SMCHD1: variants seen among roughly 807,000 people sequenced by gnomAD.
SMCHD1 encodes structural maintenance of chromosomes flexible hinge domain containing 1, also known as structural maintenance of chromosomes flexible hinge domain-containing protein 1.
SMCHD1 carries 78 observed loss-of-function variants against 254.7 expected under a neutral mutation model. The ratio of observed to expected loss-of-function variants is 0.31; its 90% CI spans 0.26 to 0.37. SMCHD1 has a LOEUF of 0.37. SMCHD1 is among the 10% of genes least tolerant of loss of function. The probability of loss-of-function intolerance (pLI) is 1.00; values close to 1 mark genes in which losing one functional copy is unlikely to be tolerated. For missense variants in SMCHD1, 1,840 were observed against 2,408.1 expected, an observed-to-expected ratio of 0.76 and a Z score of 4.94; for synonymous variants, 766 against 794.9, an observed-to-expected ratio of 0.96 and a Z score of 0.61.
chr18:2,705,982 ACAT>A (rs1368738453), intron 14 of SMCHD1, among the ~76,000 whole-genome samples, 175 bp downstream of exon 14: 23 of 152,184 alleles, frequency 1.5e-4, no homozygotes, highest in African/African-American at 4.8e-4. Flanking sequence ...ATACAATTTA[ACAT>A]CATATGCTCA....
At chr18:2,766,001 C>CTTTTTTTTTTTTTTTTTTCT (rs199648859) in intron 37 of SMCHD1, among the ~76,000 whole-genome samples, 1 of 135,878 alleles carries the variant, frequency 7.4e-6, no homozygotes, top group South Asian at 2.8e-4. Flanking sequence ...GTCCAGTTTT[C>CTTTTTTTTTTTTTTTTTTCT]TTTTTTTTTG....
intron 1 of SMCHD1, among the ~76,000 whole-genome samples, chr18:2,661,420 T>G (rs1039119112): frequency 6.7e-6 from 1 of 150,266 alleles, no homozygotes; most frequent in Non-Finnish European, 1.5e-5. Context: ...TAATATGGAT[T>G]AGAAATCTGT....
chr18:2,726,182 A>T (rs2075023838), intron 21 of SMCHD1, among the ~76,000 whole-genome samples: 1 of 151,952 alleles, frequency 6.6e-6, no homozygotes, highest in South Asian at 2.1e-4. Flanking sequence ...TTAAGAGAAA[A>T]ATTGATCCTA....
At chr18:2,754,167 A>C (rs1475210635) in intron 34 of SMCHD1, among the ~76,000 whole-genome samples, 3 of 152,116 alleles carry the variant, frequency 2.0e-5, no homozygotes, top group African/African-American at 7.2e-5. Flanking sequence ...TATATAAGCA[A>C]ATGTGTTAAT....
rs1462284253 is a variant in SMCHD1 at position 2,708,882 on chromosome 18, ATATATATATATATATATATATATAT to A, written c.2260+963_2260+987del. On this transcript the variant is annotated intron_variant, in intron 17 of 47. Transcript: ENST00000320876. ...TCAATAACTTCATATATATATATATATATATATATATATATATATATATATAACATATTAACATGAAATTTATGAA... is the reference window on the plus strand; with the variant it reads ...TCAATAACTTCATATATATATATATAAACATATTAACATGAAATTTATGAA... Among the ~76,000 whole-genome samples the A allele has an allele frequency of 3.4e-4, 22 of 64,442 alleles. 1 individual carries two copies. In the South Asian group the frequency reaches 4.6e-3, roughly 14 times the overall value. 42.3% of individuals were successfully genotyped at this position (64,442 alleles called of 152,430 possible).
intron 45 of SMCHD1, among the ~76,000 whole-genome samples, chr18:2,792,623 T>C (rs1470236631): frequency 6.6e-6 from 1 of 152,216 alleles, no homozygotes; most frequent in Non-Finnish European, 1.5e-5. Context: ...TCAAAAGTAT[T>C]AACATTTTTA....
intron 21 of SMCHD1, 146 bp downstream of exon 21, chr18:2,725,141 G>A: frequency 4.4e-6 from 2 of 450,352 alleles, no homozygotes; most frequent in Non-Finnish European, 3.9e-6. Flanking sequence ...TCAGCATTAT[G>A]CCACCTGACT....
chr18:2,674,257 A>T lies in SMCHD1; in HGVS notation c.638+112A>T, dbSNP rs1269529722. 6.1e-6 allele frequency: 5 copies of T among 818,656 alleles called. No individual in the cohort carries two copies. The East Asian group carries it at 1.5e-4, about 24-fold the overall frequency. 50.7% of individuals were successfully genotyped at this position (818,656 alleles called of 1,614,324 possible). A position where few individuals can be genotyped will look rare whatever the true frequency, so the allele number is the denominator to read the frequency against. ...TACATTGGAGGTTTTACTGTTATTCACATATTTATTTAGGTTTTATATTAT... is the reference window on the plus strand; with the variant it reads ...TACATTGGAGGTTTTACTGTTATTCTCATATTTATTTAGGTTTTATATTAT... On this transcript the variant is annotated intron_variant, in intron 5 of 47. Coordinates refer to ENST00000320876, the MANE Select transcript of SMCHD1 (RefSeq NM_015295.3).
At chr18:2,657,702 T>C (rs2073113389) in intron 1 of SMCHD1, among the ~76,000 whole-genome samples, 2 of 152,226 alleles carry the variant, frequency 1.3e-5, no homozygotes, top group Admixed American at 1.3e-4. Flanking sequence ...TTTCACTTAA[T>C]AGTGTCAGAA....
chr18:2,656,027 C>G lies in SMCHD1; in HGVS notation c.-49C>G. Reference sequence around the variant, plus strand: ...GCCGCGCGGAGCGCGCACCTCAGCCCTGAGCCCGGCGGCGGCAGGCGTCGC... The same window carrying G: ...GCCGCGCGGAGCGCGCACCTCAGCCGTGAGCCCGGCGGCGGCAGGCGTCGC... On this transcript the variant is annotated 5_prime_UTR_variant, in exon 1 of 48. Transcript: ENST00000320876. The G allele has an allele frequency of 7.7e-7, 1 of 1,302,524 alleles. No homozygotes were observed. Among genetic ancestry groups the G allele is most frequent in the Admixed American group, 4.1e-5 (1 of 24,344 alleles). 80.7% of individuals were successfully genotyped at this position (1,302,524 alleles called of 1,614,324 possible). A position where few individuals can be genotyped will look rare whatever the true frequency, so the allele number is the denominator to read the frequency against.
chr18:2,699,695 G>A (rs757578206), intron 10 of SMCHD1, among the ~76,000 whole-genome samples: 10 of 152,200 alleles, frequency 6.6e-5, no homozygotes, highest in East Asian at 1.9e-4. Flanking sequence ...TAGACAAAAA[G>A]ATATAATTTT....
At chr18:2,799,617 ACT>A (rs1342741821) in intron 47 of SMCHD1, among the ~76,000 whole-genome samples, 1 of 152,110 alleles carries the variant, frequency 6.6e-6, no homozygotes, top group Non-Finnish European at 1.5e-5. Context: ...TAATGTCATG[ACT>A]CTTACTTAGG....
chr18:2,728,641 G>A (rs749241397), intron 23 of SMCHD1, 45 bp downstream of exon 23: 4 of 1,584,134 alleles, frequency 2.5e-6, no homozygotes, highest in African/African-American at 1.4e-5. Context: ...ATTGTAGTAA[G>A]TGGCAATGAC....
At chr18:2,735,843 A>G (rs1354565400) in intron 25 of SMCHD1, among the ~76,000 whole-genome samples, 1 of 152,246 alleles carries the variant, frequency 6.6e-6, no homozygotes, top group Non-Finnish European at 1.5e-5. Context: ...AAAGCAATCT[A>G]CAGATTCAGT....
chr18:2,725,289 C>T (rs1430798874), intron 21 of SMCHD1, among the ~76,000 whole-genome samples: 1 of 151,078 alleles, frequency 6.6e-6, no homozygotes, highest in Admixed American at 6.6e-5. Context: ...ACATAGTTAT[C>T]TAGGACTCTG....
At chr18:2,657,214 A>G (rs569114611) in intron 1 of SMCHD1, among the ~76,000 whole-genome samples, 10 of 152,324 alleles carry the variant, frequency 6.6e-5, no homozygotes, top group Non-Finnish European at 1.3e-4. Context: ...GGTTGCTGAA[A>G]TAATTGAAAT....
intron 28 of SMCHD1, among the ~76,000 whole-genome samples, chr18:2,743,551 C>G (rs1039240026): frequency 6.6e-6 from 1 of 152,068 alleles, no homozygotes; most frequent in African/African-American, 2.4e-5. Context: ...CCTTTTAGAT[C>G]CCCTACCCCT....
At chr18:2,712,015 T>C (rs1191788109) in intron 17 of SMCHD1, among the ~76,000 whole-genome samples, 1 of 152,176 alleles carries the variant, frequency 6.6e-6, no homozygotes, top group Non-Finnish European at 1.5e-5. Context: ...AGCCTGAGGC[T>C]TTCACCAGAT....
chr18:2,768,627 C>A (rs1018319333), intron 37 of SMCHD1, among the ~76,000 whole-genome samples: 2 of 119,350 alleles, frequency 1.7e-5, no homozygotes, highest in African/African-American at 5.6e-5. Flanking sequence ...ATATACTATA[C>A]TACTAGTATA....
Sources: gnomAD v4.1 joint callset for allele counts (sites outside exome capture counted in the v4.1 genomes callset) on GRCh38, gnomAD v4.1.1 for gene constraint, MANE v1.5 for transcripts, NCBI Gene and HGNC (gene_info 2026-07-23, HGNC 2026-07-21) for gene names.